Variants in FAM114A1 observed in about 807,000 individuals in gnomAD.
FAM114A1 encodes protein NOXP20.
Under a neutral mutation model 64.3 loss-of-function variants are expected in FAM114A1, and 62 were observed. The observed-to-expected ratio is 0.96, with a 90% CI of 0.79 to 1.19. The LOEUF is 1.19. FAM114A1 is among the 50% of genes most tolerant of loss of function. The pLI, the probability that FAM114A1 is intolerant of heterozygous loss-of-function variation, is 0.00. For missense variants in FAM114A1, 645 were observed against 676.3 expected (o/e 0.95, Z 0.51); for synonymous variants, 254 against 251.1 (o/e 1.01, Z -0.11).
intron 3 of FAM114A1, among the ~76,000 whole-genome samples, chr4:38,884,976 A>ATATT (rs1160922415): frequency 1.3e-5 from 2 of 152,034 alleles, no homozygotes; most frequent in African/African-American, 2.4e-5. Context: ...ATTTTTATTT[A>ATATT]TATTTATTTA....
At chr4:38,922,548 C>G (rs1341553032) in intron 8 of FAM114A1, among the ~76,000 whole-genome samples, 1 of 152,156 alleles carries the variant, frequency 6.6e-6, no homozygotes, top group African/African-American at 2.4e-5. Flanking sequence ...CTCATTTACT[C>G]CACAAAGAAT....
At chr4:38,879,793 T>C (rs11730390) in intron 3 of FAM114A1, among the ~76,000 whole-genome samples, 22,191 of 152,164 alleles carry the variant, frequency 0.15, 2,161 homozygotes, top group Middle Eastern at 0.38. Context: ...ATGCCCTAAA[T>C]AATTAAGGGC....
In FAM114A1 at chr4:38,924,316, G is replaced by T. The variant is rs142648938; in HGVS notation, c.1069+1423G>T. Among the ~76,000 whole-genome samples, 727 of 152,302 alleles carry T rather than the reference G, an allele frequency of 4.8e-3. 7 individuals carry two copies. The highest frequency in any genetic ancestry group is 0.017 in the African/African-American group (709 of 41,568). On this transcript the variant is annotated intron_variant, in intron 9 of 14. Coordinates refer to ENST00000358869, the MANE Select transcript of FAM114A1 (RefSeq NM_138389.4). ...AACACAATGCCAGGAAAAAGTAAAG[G>T]TGCAATAAAGTATAACTTTCATGTA...
At chr4:38,885,781 C>T (rs907543636) in intron 3 of FAM114A1, among the ~76,000 whole-genome samples, 3 of 152,188 alleles carry the variant, frequency 2.0e-5, no homozygotes, top group African/African-American at 7.2e-5. Context: ...AGAATGCTGG[C>T]TGACCACCCT....
rs34215730 is a variant in FAM114A1 at position 38,900,225 on chromosome 4, T to TA, written c.437-5285dup. Among the ~76,000 whole-genome samples, 630 of 146,974 alleles carry TA rather than the reference T, an allele frequency of 4.3e-3. 4 individuals are homozygous for TA. Among genetic ancestry groups the TA allele is most frequent in the East Asian group, 0.024 (122 of 5,042 alleles). Reference sequence around the variant, plus strand: ...TTCAGTATAAGAATGACGATTATTTTAAAAAAAAAAAACAGAAAATAAGCG... The same window carrying TA: ...TTCAGTATAAGAATGACGATTATTTTAAAAAAAAAAAAACAGAAAATAAGCG... On this transcript the variant is annotated intron_variant, in intron 4 of 14. Coordinates refer to ENST00000358869, the MANE Select transcript of FAM114A1 (RefSeq NM_138389.4).
chr4:38,906,524 T>C lies in FAM114A1; in HGVS notation c.657+663T>C, dbSNP rs142305447. The stretch of plus-strand genomic sequence containing the variant: ...GGTCATCAGGGTCAGGGAGCAAAGA[T>C]TTATTTTGTTTTTTCTTTTGTTTTT... On this transcript the variant is annotated intron_variant, in intron 6 of 14. Coordinates refer to ENST00000358869, the MANE Select transcript of FAM114A1 (RefSeq NM_138389.4). 2.6e-5 allele frequency among the ~76,000 whole-genome samples: 4 copies of C among 152,010 alleles called. No homozygotes were observed. The East Asian group carries it at 7.8e-4, about 29-fold the overall frequency.
At chr4:38,928,655 A>G (rs1720358713) in intron 9 of FAM114A1, among the ~76,000 whole-genome samples, 1 of 152,210 alleles carries the variant, frequency 6.6e-6, no homozygotes, top group African/African-American at 2.4e-5. Flanking sequence ...AGTAGCTTCC[A>G]GGGTGAAAGG....
At chr4:38,900,181 ATT>A (rs1253187892) in intron 4 of FAM114A1, among the ~76,000 whole-genome samples, 1 of 151,930 alleles carries the variant, frequency 6.6e-6, no homozygotes, top group South Asian at 2.1e-4. Context: ...CGTTTTGAAA[ATT>A]TTTTTACCAC....
intron 4 of FAM114A1, among the ~76,000 whole-genome samples, chr4:38,897,259 C>A (rs1331883418): frequency 6.6e-6 from 1 of 152,190 alleles, no homozygotes; most frequent in African/African-American, 2.4e-5. Flanking sequence ...GGTGAAAAAA[C>A]TGGAGAAATT....
At chr4:38,921,696 C>T (rs1052165870) in intron 8 of FAM114A1, among the ~76,000 whole-genome samples, 2 of 152,194 alleles carry the variant, frequency 1.3e-5, no homozygotes, top group African/African-American at 2.4e-5. Context: ...CTCAGTTCCC[C>T]AAGGGGGAAG....
intron 9 of FAM114A1, among the ~76,000 whole-genome samples, chr4:38,923,322 C>T (rs1182780876): frequency 6.7e-6 from 1 of 149,102 alleles, no homozygotes; most frequent in East Asian, 2.0e-4. Context: ...CTCCCGGGTT[C>T]AAGTGATTCT....
Position 38,878,399 on chromosome 4 carries a change from A to G in FAM114A1, c.321A>G (p.Glu107=), listed in dbSNP as rs1210107339. Residue 107 remains glutamate (E), a synonymous_variant, in exon 3 of 15, where the codon GAA becomes GAG. Transcript: ENST00000358869. ...SVSLEAEPRS[E]IPLQEQNYLA... The stretch of plus-strand genomic sequence containing the variant: ...GCCTTGAGGCAGAACCCAGATCCGA[A>G]ATACCCCTGCAAGAACAGAATTATC... 6.2e-7 allele frequency: 1 copy of G among 1,602,064 alleles called. No homozygotes were observed. Among genetic ancestry groups the G allele is most frequent in the Non-Finnish European group, 8.5e-7 (1 of 1,173,502 alleles).
At chr4:38,868,851 G>C (rs919115888) in intron 2 of FAM114A1, among the ~76,000 whole-genome samples, 1 of 152,044 alleles carries the variant, frequency 6.6e-6, no homozygotes, top group South Asian at 2.1e-4. Flanking sequence ...CTGCGTCCCC[G>C]CCCTCCTTTC....
chr4:38,920,395 T>C (rs570206388), intron 8 of FAM114A1, among the ~76,000 whole-genome samples: 189 of 152,330 alleles, frequency 1.2e-3, no homozygotes, highest in African/African-American at 4.3e-3. Context: ...CAGCATTCCA[T>C]AAATACTTAT....
In FAM114A1 at chr4:38,922,795, A is replaced by T. The variant is rs532435334; in HGVS notation, c.971A>T (p.Asp324Val). 11 of 1,613,080 alleles carry T rather than the reference A, an allele frequency of 6.8e-6. No homozygotes were observed. In the African/African-American group the frequency reaches 1.5e-4, roughly 22 times the overall value. ...GTTCAGTCATTTTTAGCATCACTTG[A>T]TGGAGAGAAGCTGGAACTCTTAAAA... The part of the protein sequence containing the change: ...SKVQSFLASL[D>V]GEKLELLKND... The change falls in exon 9 of 15, where the codon GAT (aspartate) becomes GTT (valine). Residue 324 changes from aspartate (D) to valine (V), a missense_variant. Asp to Val is a radical substitution (Grantham distance 152). Coordinates refer to ENST00000358869, the MANE Select transcript of FAM114A1 (RefSeq NM_138389.4).
chr4:38,903,770 TG>T (rs1159027884), intron 4 of FAM114A1, among the ~76,000 whole-genome samples: 1 of 152,224 alleles, frequency 6.6e-6, no homozygotes, highest in Non-Finnish European at 1.5e-5. Flanking sequence ...TAATTTGAAC[TG>T]TGTCTAATGA....
chr4:38,926,948 T>G (rs1384641602), intron 9 of FAM114A1, among the ~76,000 whole-genome samples: 1 of 152,088 alleles, frequency 6.6e-6, no homozygotes, highest in Non-Finnish European at 1.5e-5. Context: ...ACTTACCTCT[T>G]TGGGTTAAAA....
chr4:38,941,209 AT>A, intron 14 of FAM114A1, among the ~76,000 whole-genome samples, 188 bp downstream of exon 14: 1 of 152,132 alleles, frequency 6.6e-6, no homozygotes, highest in East Asian at 1.9e-4. Context: ...ACAATACCTA[AT>A]TTTCAAGAAT....
chr4:38,868,132 G>T (rs758505641), intron 1 of FAM114A1: 1 of 241,798 alleles, frequency 4.1e-6, no homozygotes, highest in Non-Finnish European at 9.0e-6. Context: ...CTCAGGGTCT[G>T]CCCCCTCGGC....
Sources: allele counts gnomAD v4.1 joint callset (sites outside exome capture counted in the v4.1 genomes callset), GRCh38; gene constraint gnomAD v4.1.1; transcripts MANE v1.5; gene names NCBI Gene and HGNC (gene_info 2026-07-23, HGNC 2026-07-21).